The following PCDH15 variants were observed in gnomAD, a reference collection of about 807,000 sequenced individuals.
PCDH15 encodes protocadherin-15.
A neutral mutation model predicts 178.5 loss-of-function variants in PCDH15; 129 were observed. That is an observed-to-expected ratio of 0.72 (90% confidence interval 0.63 to 0.84). PCDH15 has a LOEUF of 0.84. Among genes scored for constraint, PCDH15 ranks in the 40% least tolerant of loss-of-function variants. PCDH15 has a pLI of 0.00. For missense variants in PCDH15, 2,230 were observed against 2,099.9 expected (o/e 1.06, Z -1.21); for synonymous variants, 800 against 732.0 (o/e 1.09, Z -1.50).
intron 26 of PCDH15, among the ~76,000 whole-genome samples, chr10:53,870,628 A>G (rs977164393): frequency 9.2e-5 from 14 of 152,136 alleles, no homozygotes; most frequent in African/African-American, 3.4e-4. Flanking sequence ...GAAAATTCCA[A>G]TGGGTGCCAT....
chr10:54,921,407 T>A (rs965196385), intron 2 of PCDH15, among the ~76,000 whole-genome samples: 4 of 152,170 alleles, frequency 2.6e-5, no homozygotes, highest in Non-Finnish European at 5.9e-5. Flanking sequence ...AAGGGTTTGT[T>A]GTACAGATTA....
chr10:55,136,367 G>A (rs1019426929), intron 2 of PCDH15, among the ~76,000 whole-genome samples: 1 of 151,606 alleles, frequency 6.6e-6, no homozygotes, highest in Non-Finnish European at 1.5e-5. Flanking sequence ...TTTTCAAGGA[G>A]AATACATTAA....
intron 10 of PCDH15, among the ~76,000 whole-genome samples, chr10:54,202,805 C>T (rs12770589): frequency 0.9 from 120,437 of 134,378 alleles, 54,146 homozygotes; most frequent in East Asian, 0.98. Flanking sequence ...AGAGCGAAAC[C>T]CCACCTCAAA....
At chr10:55,609,015 T>TACACACAC (rs1290621408) in intron 2 of PCDH15, among the ~76,000 whole-genome samples, 1 of 126,816 alleles carries the variant, frequency 7.9e-6, no homozygotes. Flanking sequence ...TATATATATA[T>TACACACAC]ACACACACAC....
chr10:54,293,482 T>A (rs2059554979), intron 8 of PCDH15, among the ~76,000 whole-genome samples: 1 of 152,082 alleles, frequency 6.6e-6, no homozygotes, highest in African/African-American at 2.4e-5. Context: ...TGAATTAAAC[T>A]AAAGAGCTTC....
At chr10:54,867,794 A>G (rs1953966181) in intron 3 of PCDH15, among the ~76,000 whole-genome samples, 1 of 152,118 alleles carries the variant, frequency 6.6e-6, no homozygotes, top group African/African-American at 2.4e-5. Flanking sequence ...TCCAATATCT[A>G]TATACAAATA....
At position 54,080,037 on chromosome 10, in the gene PCDH15, T is replaced by C. The variant is rs1056084028; in HGVS notation, c.1998-613A>G. Among the ~76,000 whole-genome samples the C allele has an allele frequency of 3.3e-5, 5 of 152,080 alleles. No individual in the cohort carries two copies. In the East Asian group the frequency reaches 5.8e-4, roughly 18 times the overall value. On this transcript the variant is annotated intron_variant, in intron 16 of 37. Transcript: ENST00000644397. ...ACTTTATTATAACCACATTTAAATA[T>C]ATGATTGTTTCAGAAGAGGAATCAT...
intron 10 of PCDH15, among the ~76,000 whole-genome samples, chr10:54,204,720 G>A (rs1187905077): frequency 6.6e-6 from 1 of 152,046 alleles, no homozygotes; most frequent in Admixed American, 6.5e-5. Context: ...TTTAATAGCA[G>A]CTGCCCTAGG....
At chr10:55,405,344 C>CA (rs1838174532) in intron 2 of PCDH15, among the ~76,000 whole-genome samples, 1 of 136,028 alleles carries the variant, frequency 7.4e-6, no homozygotes, top group Non-Finnish European at 1.6e-5. Flanking sequence ...GTGTAGTATT[C>CA]TGTCATAATA....
intron 2 of PCDH15, among the ~76,000 whole-genome samples, chr10:55,150,647 G>C: frequency 6.6e-6 from 1 of 152,108 alleles, no homozygotes; most frequent in Non-Finnish European, 1.5e-5. Flanking sequence ...TGAGAAGCCA[G>C]TATAATGCGT....
chr10:55,396,420 A>G (rs1190833415), intron 2 of PCDH15, among the ~76,000 whole-genome samples: 1 of 152,238 alleles, frequency 6.6e-6, no homozygotes, highest in East Asian at 1.9e-4. Context: ...ATTTTTATCA[A>G]AGTTCAAAAC....
chr10:55,371,286 T>A (rs1344735892), intron 2 of PCDH15, among the ~76,000 whole-genome samples: 1 of 152,066 alleles, frequency 6.6e-6, no homozygotes, highest in Non-Finnish European at 1.5e-5. Flanking sequence ...TCTGGCAACT[T>A]GCTAAAATTA....
At chr10:54,373,034 A>C (rs1565111720) in intron 4 of PCDH15, among the ~76,000 whole-genome samples, 1 of 151,930 alleles carries the variant, frequency 6.6e-6, no homozygotes, top group Admixed American at 6.6e-5. Flanking sequence ...AATATAAAAT[A>C]GAAATTTTTG....
At chr10:55,056,676 A>G (rs1841314718) in intron 2 of PCDH15, among the ~76,000 whole-genome samples, 1 of 150,634 alleles carries the variant, frequency 6.6e-6, no homozygotes, top group Non-Finnish European at 1.5e-5. Flanking sequence ...TGTCTTGCCC[A>G]GGCTGGAGTG....
intron 2 of PCDH15, among the ~76,000 whole-genome samples, chr10:54,899,495 A>C: frequency 1.2e-5 from 1 of 83,584 alleles, no homozygotes; most frequent in African/African-American, 4.2e-5. Flanking sequence ...TCCCTTCCGT[A>C]ATTTTCTTTT....
At chr10:54,143,926 T>C (rs1477409398) in intron 14 of PCDH15, among the ~76,000 whole-genome samples, 1 of 152,122 alleles carries the variant, frequency 6.6e-6, no homozygotes, top group Non-Finnish European at 1.5e-5. Context: ...GGCTTTGAAC[T>C]GAAATGGGCT....
At chr10:54,831,950 C>G (rs1366133545) in intron 3 of PCDH15, among the ~76,000 whole-genome samples, 1 of 152,078 alleles carries the variant, frequency 6.6e-6, no homozygotes, top group Non-Finnish European at 1.5e-5. Flanking sequence ...CATAACTAAA[C>G]TAGTAACCTG....
At chr10:55,409,519 T>C (rs1407364030) in intron 2 of PCDH15, among the ~76,000 whole-genome samples, 1 of 152,166 alleles carries the variant, frequency 6.6e-6, no homozygotes, top group African/African-American at 2.4e-5. Flanking sequence ...TTTGTTTCCC[T>C]GATTCTCCTC....
chr10:55,172,415 T>C lies in PCDH15; in HGVS notation c.-155-5764A>G, dbSNP rs560246083. 1.1e-4 allele frequency among the ~76,000 whole-genome samples: 16 copies of C among 152,050 alleles called. No homozygotes were observed. The South Asian group carries it at 3.1e-3, about 29-fold the overall frequency. ...GAGTAAAAGATAGGGCATAATATCCTAGAAACAGCTAAGAGAACAGTGTTT... is the reference window on the plus strand; with the variant it reads ...GAGTAAAAGATAGGGCATAATATCCCAGAAACAGCTAAGAGAACAGTGTTT... On this transcript the variant is annotated intron_variant, in intron 1 of 5. Coordinates refer to the PCDH15 transcript ENST00000458638.
Sources: allele counts gnomAD v4.1 joint callset (sites outside exome capture counted in the v4.1 genomes callset), GRCh38; gene constraint gnomAD v4.1.1; transcripts MANE v1.5; gene names NCBI Gene and HGNC (gene_info 2026-07-23, HGNC 2026-07-21).